Variants in ADIPOR2 observed in about 807,000 individuals in gnomAD.
ADIPOR2 encodes the protein adiponectin receptor protein 2.
ADIPOR2 carries 18 observed loss-of-function variants against 40.9 expected under a neutral mutation model. The ratio of observed to expected loss-of-function variants is 0.44; its 90% CI spans 0.30 to 0.65. The LOEUF is 0.65. Among genes scored for constraint, ADIPOR2 ranks in the 30% least tolerant of loss-of-function variants. ADIPOR2 has a pLI of 0.09. For synonymous variants in ADIPOR2, 165 were observed against 166.4 expected, an observed-to-expected ratio of 0.99 and a Z score of 0.06; for missense variants, 283 against 479.2, an observed-to-expected ratio of 0.59 and a Z score of 3.82.
At chr12:1,731,950 TGA>T (rs1021646077) in intron 1 of ADIPOR2, among the ~76,000 whole-genome samples, 6 of 151,336 alleles carry the variant, frequency 4.0e-5, no homozygotes, top group Non-Finnish European at 8.8e-5. Flanking sequence ...CATGATAGAG[TGA>T]GACTTGGTCT....
chr12:1,722,684 G>C (rs536278462), intron 1 of ADIPOR2, among the ~76,000 whole-genome samples: 1 of 152,138 alleles, frequency 6.6e-6, no homozygotes. Flanking sequence ...GCCCAGATTC[G>C]AATCTTACTT....
At chr12:1,763,960 CAG>C (rs1862322806) in intron 2 of ADIPOR2, among the ~76,000 whole-genome samples, 1 of 152,150 alleles carries the variant, frequency 6.6e-6, no homozygotes, top group Admixed American at 6.6e-5. Context: ...GCCTTGGCAA[CAG>C]AGTAAGACCC....
intron 1 of ADIPOR2, among the ~76,000 whole-genome samples, chr12:1,743,686 C>A (rs2094748652): frequency 6.6e-6 from 1 of 151,960 alleles, no homozygotes; most frequent in Admixed American, 6.6e-5. Context: ...TTAAAAAAAA[C>A]CCATACAACT....
intron 4 of ADIPOR2, among the ~76,000 whole-genome samples, chr12:1,779,324 G>A (rs995852077): frequency 6.6e-6 from 1 of 152,190 alleles, no homozygotes; most frequent in African/African-American, 2.4e-5. Flanking sequence ...ATACACTGGA[G>A]TATTATTTAG....
intron 4 of ADIPOR2, among the ~76,000 whole-genome samples, chr12:1,779,989 G>T (rs1013600713): frequency 6.6e-6 from 1 of 152,168 alleles, no homozygotes; most frequent in African/African-American, 2.4e-5. Flanking sequence ...GACACTCCCT[G>T]ACAGCTATTG....
At chr12:1,720,501 A>G (rs2094695766) in intron 1 of ADIPOR2, among the ~76,000 whole-genome samples, 1 of 152,250 alleles carries the variant, frequency 6.6e-6, no homozygotes, top group East Asian at 1.9e-4. Context: ...TTTCACAGCT[A>G]GACTGTCCCA....
At chr12:1,697,956 T>C (rs1454153192) in intron 1 of ADIPOR2, 1 of 152,328 alleles carries the variant, frequency 6.6e-6, no homozygotes, top group Non-Finnish European at 1.5e-5. Flanking sequence ...AGTACTGCTG[T>C]AGTAACCCTT....
intron 1 of ADIPOR2, among the ~76,000 whole-genome samples, chr12:1,747,204 T>C (rs558145123): frequency 2.6e-5 from 4 of 152,202 alleles, no homozygotes; most frequent in Non-Finnish European, 5.9e-5. Flanking sequence ...ATAGACCATA[T>C]ACTATGCCAT....
chr12:1,770,902 T>G lies in ADIPOR2; in HGVS notation c.172-1940T>G, dbSNP rs150335545. Reference sequence around the variant, plus strand: ...AGGTTATGCAGTCTCTAATGAAAATTGGTTCTTGGTGGGGTAGGGGATGAA... The same window carrying G: ...AGGTTATGCAGTCTCTAATGAAAATGGGTTCTTGGTGGGGTAGGGGATGAA... On this transcript the variant is annotated intron_variant, in intron 2 of 7. Coordinates refer to ENST00000357103, the MANE Select transcript of ADIPOR2 (RefSeq NM_024551.3). Among the ~76,000 whole-genome samples the G allele has an allele frequency of 8.5e-4, 129 of 152,174 alleles. 1 individual carries two copies. The East Asian group carries it at 0.022, about 26-fold the overall frequency.
At chr12:1,754,699 TTACTACTACTACTACTAC>T (rs59598626) in intron 2 of ADIPOR2, among the ~76,000 whole-genome samples, 185 bp downstream of exon 2, 2,546 of 103,584 alleles carry the variant, frequency 0.025, 77 homozygotes, top group African/African-American at 0.079. Flanking sequence ...ATTATTATTA[TTACTACTACTACTACTAC>T]TACTACTACT....
In ADIPOR2 at chr12:1,780,575, T is replaced by G; in HGVS notation, c.588T>G (p.Ser196=). 6.2e-7 allele frequency: 1 copy of G among 1,613,684 alleles called. No homozygotes were observed. The highest frequency in any genetic ancestry group is 2.2e-5 in the East Asian group (1 of 44,842). ...LFFLGAILCL[S]FSWLFHTVYC... Reference sequence around the variant, plus strand: ...TCTTAGGAGCCATTCTCTGCCTTTCTTTTTCATGGCTCTTCCACACAGTCT... The same window carrying G: ...TCTTAGGAGCCATTCTCTGCCTTTCGTTTTCATGGCTCTTCCACACAGTCT... Residue 196 remains serine, a synonymous_variant, in exon 5 of 8, where the codon TCT becomes TCG. Transcript: ENST00000357103.
At chr12:1,734,819 A>G (rs2094727119) in intron 1 of ADIPOR2, among the ~76,000 whole-genome samples, 2 of 152,208 alleles carry the variant, frequency 1.3e-5, no homozygotes, top group Admixed American at 1.3e-4. Context: ...CTTTCTACAT[A>G]TGGCTAGCCA....
chr12:1,785,903 A>G lies in ADIPOR2; in HGVS notation c.1033-41A>G, dbSNP rs149429128. ...GAATCTTTAGCAGTCTTAATAATGT[A>G]TGGGTTTCTCTACCCCCTTCTCTTC... On this transcript the variant is annotated intron_variant, in intron 7 of 7. Transcript: ENST00000357103. The G allele has an allele frequency of 2.0e-4, 323 of 1,608,764 alleles. No individual in the cohort carries two copies. The East Asian group carries it at 6.9e-3, about 34-fold the overall frequency.
intron 1 of ADIPOR2, among the ~76,000 whole-genome samples, chr12:1,734,229 A>G (rs1418841735): frequency 6.6e-6 from 1 of 152,198 alleles, no homozygotes; most frequent in Non-Finnish European, 1.5e-5. Flanking sequence ...TCCCCCCAAC[A>G]GTGTAAAAGT....
chr12:1,772,450 C>A (rs1862508793), intron 2 of ADIPOR2, among the ~76,000 whole-genome samples: 1 of 152,150 alleles, frequency 6.6e-6, no homozygotes, highest in African/African-American at 2.4e-5. Flanking sequence ...AGAGTACTTA[C>A]CACATTGTGT....
At chr12:1,706,755 T>C (rs1034494270) in intron 1 of ADIPOR2, among the ~76,000 whole-genome samples, 11 of 152,260 alleles carry the variant, frequency 7.2e-5, no homozygotes, top group African/African-American at 2.2e-4. Context: ...TCCCTCACAG[T>C]CAGTGCACCA....
At chr12:1,693,044 G>T (rs2094630407) in intron 1 of ADIPOR2, among the ~76,000 whole-genome samples, 1 of 152,048 alleles carries the variant, frequency 6.6e-6, no homozygotes. Context: ...TATCCCAGCT[G>T]CCCGGGAGGC....
intron 2 of ADIPOR2, among the ~76,000 whole-genome samples, chr12:1,756,253 T>C (rs1862127423): frequency 6.6e-6 from 1 of 152,012 alleles, no homozygotes; most frequent in African/African-American, 2.4e-5. Context: ...CAGGTTCAAG[T>C]GATTCTCCTG....
chr12:1,761,488 T>TG (rs1247650958), intron 2 of ADIPOR2, among the ~76,000 whole-genome samples: 11 of 152,202 alleles, frequency 7.2e-5, no homozygotes. Context: ...CAACAATGTG[T>TG]GGGGGTTCCA....
Sources: allele counts gnomAD v4.1 joint callset (sites outside exome capture counted in the v4.1 genomes callset), GRCh38; gene constraint gnomAD v4.1.1; transcripts MANE v1.5; gene names NCBI Gene and HGNC (gene_info 2026-07-23, HGNC 2026-07-21).